Variants in HAO2 observed in about 807,000 individuals in gnomAD.
HAO2 encodes the protein 2-Hydroxyacid oxidase 2.
Under a neutral mutation model 37.4 loss-of-function variants are expected in HAO2, and 42 were observed. That is an observed-to-expected ratio of 1.12 (90% CI 0.88 to 1.45). The LOEUF (loss-of-function observed/expected upper bound fraction) is 1.45. HAO2 is among the 40% of genes most tolerant of loss of function. HAO2 has a pLI of 0.00. For missense variants in HAO2, 476 were observed against 430.2 expected (o/e 1.11, Z -0.94); for synonymous variants, 180 against 162.8 (o/e 1.11, Z -0.81).
chr1:119,391,540 A>AC (rs1650900908), intron 5 of HAO2, among the ~76,000 whole-genome samples: 1 of 152,168 alleles, frequency 6.6e-6, no homozygotes, highest in African/African-American at 2.4e-5. Context: ...ACCGTGTTGT[A>AC]CTTTAGTCCT....
At chr1:119,392,589 G>C in intron 6 of HAO2, 29 bp from the exon 7 acceptor site, 1 of 1,476,904 alleles carries the variant, frequency 6.8e-7, no homozygotes, top group Non-Finnish European at 9.5e-7. Flanking sequence ...ATGTCTCTTT[G>C]TGTCTCTGTC....
At chr1:119,378,546 G>A (rs897433521) in intron 1 of HAO2, among the ~76,000 whole-genome samples, 1 of 152,142 alleles carries the variant, frequency 6.6e-6, no homozygotes, top group African/African-American at 2.4e-5. Context: ...AGATAGAAAA[G>A]AGTCTAAGGA....
chr1:119,386,528 A>T, intron 4 of HAO2, 94 bp from the exon 5 acceptor site: 1 of 789,102 alleles, frequency 1.3e-6, no homozygotes, highest in Non-Finnish European at 2.2e-6. Flanking sequence ...CTTCCAGTTT[A>T]TAAATGGCAG....
intron 2 of HAO2, among the ~76,000 whole-genome samples, chr1:119,382,411 C>T (rs1481748740): frequency 6.6e-6 from 1 of 152,162 alleles, no homozygotes; most frequent in Non-Finnish European, 1.5e-5. Flanking sequence ...GTCAAATCTT[C>T]AAACTAACTA....
intron 1 of HAO2, among the ~76,000 whole-genome samples, chr1:119,369,367 A>G (rs1414680117): frequency 6.6e-6 from 1 of 152,220 alleles, no homozygotes; most frequent in Non-Finnish European, 1.5e-5. Context: ...CCTTTGAGCA[A>G]TAAGCTTATT....
rs902588153 is a variant in HAO2 at position 119,393,957 on chromosome 1, A to G, written c.*117A>G. On this transcript the variant is annotated 3_prime_UTR_variant, in exon 8 of 8. Coordinates refer to ENST00000325945, the MANE Select transcript of HAO2 (RefSeq NM_016527.4). ...CATTCTGTCCGGAGGCTCATGGCCC[A>G]TATTTCCCACATTTCTAATACCACC... 6.4e-7 allele frequency: 1 copy of G among 1,563,188 alleles called. No homozygotes were observed. Among genetic ancestry groups the G allele is most frequent in the Non-Finnish European group, 8.7e-7 (1 of 1,147,100 alleles).
intron 7 of HAO2, among the ~76,000 whole-genome samples, chr1:119,393,486 A>T (rs1384776565): frequency 6.6e-6 from 1 of 152,160 alleles, no homozygotes; most frequent in South Asian, 2.1e-4. Flanking sequence ...CAGAACCAAG[A>T]TAAAGATCAA....
chr1:119,386,417 G>A (rs1650384434), intron 4 of HAO2, among the ~76,000 whole-genome samples: 1 of 152,058 alleles, frequency 6.6e-6, no homozygotes, highest in South Asian at 2.1e-4. Flanking sequence ...TGTTGCCCAT[G>A]CTTGTCTCAA....
At chr1:119,370,035 C>T (rs778334460) in intron 1 of HAO2, 3 of 152,184 alleles carry the variant, frequency 2.0e-5, no homozygotes, top group Non-Finnish European at 4.4e-5. Context: ...TCCAGGGCTA[C>T]CCTTTTCCAA....
Position 119,368,786 on chromosome 1 carries a change from G to C in HAO2, c.-125G>C, listed in dbSNP as rs1648712678. The stretch of plus-strand genomic sequence containing the variant: ...CTTTGAGACTTCAGCCTCTTCTTTA[G>C]CCTGAACTGTGGGTAGTGATGTGGT... On this transcript the variant is annotated 5_prime_UTR_variant, in exon 1 of 8. Coordinates refer to ENST00000325945, the MANE Select transcript of HAO2 (RefSeq NM_016527.4). The C allele has an allele frequency of 6.6e-6, 1 of 152,164 alleles. No individual in the cohort carries two copies. Among genetic ancestry groups the C allele is most frequent in the Non-Finnish European group, 1.5e-5 (1 of 68,034 alleles). The allele number at this position is 152,164 out of a possible 1,614,324, so 9.4% of individuals were successfully genotyped here.
At chr1:119,386,366 A>G (rs1165728867) in intron 4 of HAO2, among the ~76,000 whole-genome samples, 2 of 151,768 alleles carry the variant, frequency 1.3e-5, no homozygotes, top group Admixed American at 6.6e-5. Context: ...GGCATGCACC[A>G]CGATTTATTT....
chr1:119,370,673 T>C (rs1648915774), intron 1 of HAO2, among the ~76,000 whole-genome samples: 1 of 152,196 alleles, frequency 6.6e-6, no homozygotes, highest in South Asian at 2.1e-4. Context: ...ATATAGTCTG[T>C]CTTCTCTACT....
chr1:119,369,265 C>G (rs1648763525), intron 1 of HAO2, among the ~76,000 whole-genome samples: 1 of 152,196 alleles, frequency 6.6e-6, no homozygotes, highest in Non-Finnish European at 1.5e-5. Flanking sequence ...AGTATTCTGA[C>G]CACTGCTTCC....
chr1:119,372,800 G>A (rs1452394527), intron 1 of HAO2, among the ~76,000 whole-genome samples: 1 of 152,114 alleles, frequency 6.6e-6, no homozygotes, highest in African/African-American at 2.4e-5. Context: ...GTTTGTTGTT[G>A]GCAAATATGT....
chr1:119,385,704 TG>T (rs1473180078), intron 4 of HAO2: 353 of 985,244 alleles, frequency 3.6e-4, no homozygotes, highest in Non-Finnish European at 4.1e-4. Context: ...CATGATAAAG[TG>T]GGAATCCCTG....
intron 4 of HAO2, chr1:119,385,372 C>CTAAAAA (rs1437223023): frequency 1.0e-6 from 1 of 982,274 alleles, no homozygotes; most frequent in African/African-American, 1.7e-5. Flanking sequence ...GGAGAGTAAA[C>CTAAAAA]TAAAAAAGTT....
chr1:119,391,017 A>C (rs190272681), intron 5 of HAO2, among the ~76,000 whole-genome samples: 93 of 152,310 alleles, frequency 6.1e-4, no homozygotes, highest in African/African-American at 2.2e-3. Flanking sequence ...TGCTGGGACT[A>C]TAAAAAATGC....
chr1:119,389,039 T>C lies in HAO2; in HGVS notation c.771+2208T>C, dbSNP rs183309981. 1.2e-3 allele frequency among the ~76,000 whole-genome samples: 178 copies of C among 146,778 alleles called. 2 individuals are homozygous for C. In the Admixed American group the frequency reaches 0.012, roughly 10 times the overall value. On this transcript the variant is annotated intron_variant, in intron 5 of 7. Transcript: ENST00000325945. The stretch of plus-strand genomic sequence containing the variant: ...GAATATATGATGTTTGGTTTTCCAT[T>C]CCTGAATTACTTCACTTAGAATAAC...
intron 3 of HAO2, among the ~76,000 whole-genome samples, chr1:119,383,953 T>C (rs949599756): frequency 6.6e-6 from 1 of 152,146 alleles, no homozygotes; most frequent in Non-Finnish European, 1.5e-5. Context: ...TTGAATGTGT[T>C]GTTTGGGGGT....
Sources: allele counts gnomAD v4.1 joint callset (sites outside exome capture counted in the v4.1 genomes callset), GRCh38; gene constraint gnomAD v4.1.1; transcripts MANE v1.5; gene names NCBI Gene and HGNC (gene_info 2026-07-23, HGNC 2026-07-21).